LINGO2: variants seen among roughly 807,000 people sequenced by gnomAD.
LINGO2 encodes leucine-rich repeat and immunoglobulin-like domain-containing nogo receptor-interacting protein 2.
A neutral mutation model predicts 30.6 loss-of-function variants in LINGO2; 14 were observed. The observed-to-expected ratio is 0.46, with a 90% confidence interval of 0.30 to 0.72. The LOEUF (loss-of-function observed/expected upper bound fraction) is 0.72, where lower values mean the gene tolerates loss of function less well. Ranked by LOEUF, LINGO2 falls within the 30% of genes least tolerant of loss-of-function variation. LINGO2 has a pLI of 0.07. For missense variants in LINGO2, 729 were observed against 751.7 expected (o/e 0.97, Z 0.35); for synonymous variants, 317 against 288.5 (o/e 1.10, Z -1.00).
In LINGO2 at chr9:28,512,669, A is replaced by ATATCTATCTATCTATC. The variant is rs35627400; in HGVS notation, c.-364-36660_-364-36645dup. Among the ~76,000 whole-genome samples, 35 of 126,920 alleles carry ATATCTATCTATCTATC rather than the reference A, an allele frequency of 2.8e-4. 1 individual carries two copies. Among genetic ancestry groups the ATATCTATCTATCTATC allele is most frequent in the South Asian group, 1.6e-3 (6 of 3,742 alleles). 83.3% of individuals were successfully genotyped at this position (126,920 alleles called of 152,430 possible). A position where few individuals can be genotyped will look rare whatever the true frequency, so the allele number is the denominator to read the frequency against. On this transcript the variant is annotated intron_variant, in intron 1 of 5. Transcript: ENST00000379992. ...TACATACACACACACACACATATGG[A>ATATCTATCTATCTATC]TATCTATCTATCTATCTATCTATCT...
intron 2 of LINGO2, among the ~76,000 whole-genome samples, chr9:28,433,947 C>CTATATATATATATA (rs1417650474): frequency 1.6e-5 from 1 of 61,038 alleles, no homozygotes; most frequent in African/African-American, 4.9e-5. Context: ...CTCTCTCTCT[C>CTATATATATATATA]TCTATATATA....
chr9:29,078,410 G>A, the LINGO2 span, among the ~76,000 whole-genome samples: 2 of 151,926 alleles, frequency 1.3e-5, no homozygotes, highest in Non-Finnish European at 2.9e-5. Flanking sequence ...TTTCATGTTT[G>A]TAAATTAGAA....
At chr9:28,091,727 G>T (rs9775023) in intron 4 of LINGO2, among the ~76,000 whole-genome samples, 4 of 152,114 alleles carry the variant, frequency 2.6e-5, no homozygotes, top group Admixed American at 6.5e-5. Context: ...AAGAGCTTCT[G>T]CAGAGCAAGA....
At chr9:28,357,417 A>T (rs368844789) in intron 3 of LINGO2, among the ~76,000 whole-genome samples, 2 of 149,378 alleles carry the variant, frequency 1.3e-5, no homozygotes, top group East Asian at 4.2e-4. Context: ...GCAAATATTT[A>T]GTGTAGAATT....
intron 5 of LINGO2, among the ~76,000 whole-genome samples, chr9:27,992,312 A>T (rs1821436941): frequency 6.6e-6 from 1 of 152,166 alleles, no homozygotes. Context: ...ATTGAAAACC[A>T]TGTAAAACGT....
At chr9:28,516,498 T>G (rs1820624430) in intron 1 of LINGO2, among the ~76,000 whole-genome samples, 1 of 152,274 alleles carries the variant, frequency 6.6e-6, no homozygotes, top group East Asian at 1.9e-4. Flanking sequence ...GTGTGGTATC[T>G]CCCTGCCTGG....
chr9:29,063,424 C>A, the LINGO2 span, among the ~76,000 whole-genome samples: 1 of 145,062 alleles, frequency 6.9e-6, no homozygotes, highest in South Asian at 2.2e-4. Flanking sequence ...TTTTTTTTGA[C>A]AGAATCTCGC....
chr9:28,114,157 G>C (rs199647617), intron 4 of LINGO2, among the ~76,000 whole-genome samples: 5 of 66,766 alleles, frequency 7.5e-5, no homozygotes, highest in Non-Finnish European at 1.1e-4. Context: ...TTTTCTGCAT[G>C]TATTGAGATA....
the LINGO2 span, among the ~76,000 whole-genome samples, chr9:28,714,398 A>T: frequency 1.3e-5 from 2 of 151,890 alleles, no homozygotes; most frequent in African/African-American, 4.8e-5. Flanking sequence ...GGTTGAAGCC[A>T]GAGATTTTGC....
At chr9:28,633,081 A>G (rs1405119804) in intron 1 of LINGO2, among the ~76,000 whole-genome samples, 1 of 151,606 alleles carries the variant, frequency 6.6e-6, no homozygotes, top group Admixed American at 6.6e-5. Context: ...AAAGATGTAG[A>G]CTAGGAGGCT....
At chr9:28,728,413 AAAAAG>A in the LINGO2 span, among the ~76,000 whole-genome samples, 4 of 152,180 alleles carry the variant, frequency 2.6e-5, no homozygotes, top group African/African-American at 7.2e-5. Flanking sequence ...GCAAATGAAA[AAAAAG>A]AAAAGGAAAG....
chr9:27,949,757 C>A (rs753061857), exon 6 of LINGO2: 1 of 1,614,134 alleles, frequency 6.2e-7, no homozygotes, highest in South Asian at 1.1e-5. Flanking sequence ...GCTGGGCCCC[C>A]ACTATATGAA....
At position 28,315,280 on chromosome 9, in the gene LINGO2, C is replaced by T. The variant is rs147306236; in HGVS notation, c.-245-19914G>A. 2.9e-3 allele frequency among the ~76,000 whole-genome samples: 438 copies of T among 152,074 alleles called. 3 individuals carry two copies. The highest frequency in any genetic ancestry group is 0.01 in the African/African-American group (419 of 41,496). On this transcript the variant is annotated intron_variant, in intron 3 of 5. Transcript: ENST00000379992. ...TTTAGCCCGACGAGGTGGCAGGCGC[C>T]TGTAATCCTAGCTACTCGGGAGGCT...
chr9:29,142,385 T>C, the LINGO2 span, among the ~76,000 whole-genome samples: 1 of 151,814 alleles, frequency 6.6e-6, no homozygotes, highest in Non-Finnish European at 1.5e-5. Context: ...ACTTATGGGA[T>C]GCAGAAAAAC....
intron 1 of LINGO2, among the ~76,000 whole-genome samples, chr9:28,561,804 A>G (rs1823100221): frequency 7.0e-6 from 1 of 143,524 alleles, no homozygotes. Context: ...CTAGAACTGA[A>G]AAAGACAGTA....
intron 5 of LINGO2, among the ~76,000 whole-genome samples, chr9:27,962,430 G>A (rs1394864798): frequency 5.3e-5 from 8 of 152,102 alleles, no homozygotes; most frequent in Non-Finnish European, 1.2e-4. Context: ...CTAGAAAGGA[G>A]CTCAACTAAG....
At chr9:28,080,765 AT>A (rs1185604977) in intron 4 of LINGO2, 1 of 152,182 alleles carries the variant, frequency 6.6e-6, no homozygotes, top group Admixed American at 6.5e-5. Context: ...GGATTCTATA[AT>A]TAGTGAAGAG....
intron 4 of LINGO2, among the ~76,000 whole-genome samples, chr9:28,200,983 C>T (rs1333775649): frequency 6.6e-6 from 1 of 151,014 alleles, no homozygotes; most frequent in Non-Finnish European, 1.5e-5. Context: ...AATTACTGGG[C>T]TGACAGATTC....
the LINGO2 span, among the ~76,000 whole-genome samples, chr9:28,712,299 T>C: frequency 2.6e-5 from 4 of 152,072 alleles, no homozygotes; most frequent in Admixed American, 2.6e-4. Flanking sequence ...ACTTGAATGA[T>C]CAAAATGAAC....
Sources: gnomAD v4.1 joint callset for allele counts (sites outside exome capture counted in the v4.1 genomes callset) on GRCh38, gnomAD v4.1.1 for gene constraint, MANE v1.5 for transcripts, NCBI Gene and HGNC (gene_info 2026-07-23, HGNC 2026-07-21) for gene names.